The following NR3C2 variants were observed in gnomAD, a reference collection of about 807,000 sequenced individuals.
NR3C2 encodes the protein mineralocorticoid receptor.
Under a neutral mutation model 86.4 loss-of-function variants are expected in NR3C2, and 15 were observed. That is an observed-to-expected ratio of 0.17 (90% CI 0.12 to 0.27). The LOEUF is 0.27. Among genes scored for constraint, NR3C2 ranks in the 10% least tolerant of loss-of-function variants. NR3C2 has a pLI of 1.00. For missense variants in NR3C2, 960 were observed against 1,195.6 expected (o/e 0.80, Z 2.91); for synonymous variants, 458 against 450.5 (o/e 1.02, Z -0.21).
chr4:148,098,307 T>C (rs1731382856), intron 8 of NR3C2, among the ~76,000 whole-genome samples: 1 of 152,224 alleles, frequency 6.6e-6, no homozygotes, highest in Admixed American at 6.5e-5. Flanking sequence ...ATTGAACTCA[T>C]GGCCAATAGC....
At chr4:148,318,294 G>A (rs994867547) in intron 2 of NR3C2, among the ~76,000 whole-genome samples, 5 of 151,590 alleles carry the variant, frequency 3.3e-5, no homozygotes, top group Admixed American at 1.3e-4. Context: ...ATTTGGGTTC[G>A]TTCCAAGTCT....
intron 2 of NR3C2, among the ~76,000 whole-genome samples, chr4:148,310,843 C>T (rs1039487679): frequency 6.6e-6 from 1 of 152,166 alleles, no homozygotes; most frequent in African/African-American, 2.4e-5. Flanking sequence ...ATCAAAACCA[C>T]GGACAGAATT....
chr4:148,262,696 A>G (rs1740184299), intron 2 of NR3C2, among the ~76,000 whole-genome samples: 1 of 152,012 alleles, frequency 6.6e-6, no homozygotes, highest in African/African-American at 2.4e-5. Context: ...AATAGGGTGG[A>G]CCCCAATCTA....
chr4:148,368,085 A>G (rs1294580153), intron 2 of NR3C2, among the ~76,000 whole-genome samples: 1 of 151,784 alleles, frequency 6.6e-6, no homozygotes, highest in African/African-American at 2.4e-5. Context: ...CTCCCTATTG[A>G]TTCCTCCTAA....
At chr4:148,192,333 T>C (rs1736236321) in intron 4 of NR3C2, among the ~76,000 whole-genome samples, 2 of 152,166 alleles carry the variant, frequency 1.3e-5, no homozygotes, top group Admixed American at 6.5e-5. Context: ...TGATGTGAAC[T>C]GTCTATGGGT....
chr4:148,432,834 A>C (rs2126643852), intron 2 of NR3C2, among the ~76,000 whole-genome samples: 1 of 152,294 alleles, frequency 6.6e-6, no homozygotes, highest in South Asian at 2.1e-4. Flanking sequence ...CTGATCCTTG[A>C]GCTTTTACTC....
intron 2 of NR3C2, among the ~76,000 whole-genome samples, chr4:148,398,505 T>C (rs1230193878): frequency 1.3e-5 from 2 of 152,206 alleles, no homozygotes; most frequent in Admixed American, 6.5e-5. Flanking sequence ...TACAATAATC[T>C]TGAATTTGTA....
intron 4 of NR3C2, among the ~76,000 whole-genome samples, chr4:148,191,669 T>C (rs1380580298): frequency 6.6e-6 from 1 of 152,238 alleles, no homozygotes; most frequent in East Asian, 1.9e-4. Context: ...CTGGAGGTTT[T>C]GTTCATATTT....
chr4:148,366,875 A>G (rs527496873), intron 2 of NR3C2, among the ~76,000 whole-genome samples: 4 of 152,194 alleles, frequency 2.6e-5, no homozygotes, highest in Admixed American at 1.3e-4. Context: ...TCATAAGAGA[A>G]TAGCTAGATG....
At chr4:148,227,715 C>T (rs940173635) in intron 3 of NR3C2, among the ~76,000 whole-genome samples, 2 of 152,126 alleles carry the variant, frequency 1.3e-5, no homozygotes, top group Non-Finnish European at 2.9e-5. Context: ...TTAATGCATG[C>T]TATGGATTAT....
intron 8 of NR3C2, 44 bp from the exon 9 acceptor site, chr4:148,081,543 C>T (rs561046517): frequency 8.7e-6 from 14 of 1,611,572 alleles, no homozygotes; most frequent in East Asian, 2.2e-5. Context: ...GCCTCCTTTC[C>T]GACCCTGGAT....
intron 3 of NR3C2, among the ~76,000 whole-genome samples, chr4:148,236,089 G>A (rs545258672): frequency 6.6e-5 from 10 of 152,284 alleles, no homozygotes; most frequent in East Asian, 1.9e-4. Context: ...CCCATCTGAC[G>A]TCCCCTTGGG....
intron 4 of NR3C2, among the ~76,000 whole-genome samples, chr4:148,166,013 T>C (rs763001341): frequency 6.6e-6 from 1 of 152,268 alleles, no homozygotes; most frequent in East Asian, 1.9e-4. Context: ...TTAATAGTTA[T>C]TGCTTTTATG....
chr4:148,403,864 C>T (rs1221994456), intron 2 of NR3C2, among the ~76,000 whole-genome samples: 3 of 152,076 alleles, frequency 2.0e-5, no homozygotes, highest in Non-Finnish European at 1.5e-5. Flanking sequence ...TATGTACTTT[C>T]TATTTTAAAC....
chr4:148,152,942 C>T (rs983744361), intron 5 of NR3C2, among the ~76,000 whole-genome samples: 6 of 152,186 alleles, frequency 3.9e-5, no homozygotes, highest in East Asian at 3.8e-4. Context: ...AAACTTGCTT[C>T]GTCCCACCCA....
chr4:148,284,457 G>T (rs747630675), intron 2 of NR3C2, among the ~76,000 whole-genome samples: 2 of 152,114 alleles, frequency 1.3e-5, no homozygotes, highest in Non-Finnish European at 2.9e-5. Context: ...GTCAAGACTA[G>T]GTACTCACGC....
At chr4:148,433,844 A>C (rs1749912280) in intron 2 of NR3C2, among the ~76,000 whole-genome samples, 1 of 152,208 alleles carries the variant, frequency 6.6e-6, no homozygotes, top group South Asian at 2.1e-4. Context: ...CAGCCATGCT[A>C]TCTCATGACT....
chr4:148,141,154 C>T (rs769982833), intron 6 of NR3C2, among the ~76,000 whole-genome samples: 2 of 152,076 alleles, frequency 1.3e-5, no homozygotes, highest in Non-Finnish European at 2.9e-5. Flanking sequence ...TTTTTGCGGC[C>T]GGGTGTGGTG....
intron 2 of NR3C2, among the ~76,000 whole-genome samples, chr4:148,421,348 T>C (rs1489444661): frequency 6.6e-6 from 1 of 152,222 alleles, no homozygotes; most frequent in Non-Finnish European, 1.5e-5. Context: ...GGGAGTTTAC[T>C]GAGTAGAACT....
Sources: gnomAD v4.1 joint callset for allele counts (sites outside exome capture counted in the v4.1 genomes callset) on GRCh38, gnomAD v4.1.1 for gene constraint, MANE v1.5 for transcripts, NCBI Gene and HGNC (gene_info 2026-07-23, HGNC 2026-07-21) for gene names.